Variants in BPIFB4 observed in about 807,000 individuals in gnomAD.
BPIFB4 encodes BPI fold-containing family B member 4.
BPIFB4 carries 62 observed loss-of-function variants against 69.2 expected under a neutral mutation model. That is an observed-to-expected ratio of 0.90 (90% CI 0.73 to 1.11). The LOEUF (loss-of-function observed/expected upper bound fraction) is 1.11, where lower values mean the gene tolerates loss of function less well. BPIFB4 is among the 50% of genes least tolerant of loss of function. The pLI, the probability that BPIFB4 is intolerant of heterozygous loss-of-function variation, is 0.00. For missense variants in BPIFB4, 789 were observed against 792.0 expected, an observed-to-expected ratio of 1.00 and a Z score of 0.04; for synonymous variants, 330 against 332.7, an observed-to-expected ratio of 0.99 and a Z score of 0.09.
At chr20:33,089,460 C>T (rs1441339558) in intron 8 of BPIFB4, 38 bp from the exon 9 acceptor site, 23 of 1,614,000 alleles carry the variant, frequency 1.4e-5, no homozygotes, top group Non-Finnish European at 1.9e-5. Context: ...CTACTCCCTG[C>T]AGCGTCAACA....
chr20:33,081,674 G>A (rs1334807107), intron 3 of BPIFB4, 42 bp downstream of exon 3: 4 of 1,548,328 alleles, frequency 2.6e-6, no homozygotes, highest in Non-Finnish European at 3.5e-6. Flanking sequence ...CATGGGGTGA[G>A]CAGGGCAGCT....
At chr20:33,101,149 A>G (rs1981897984) in intron 14 of BPIFB4, among the ~76,000 whole-genome samples, 1 of 152,170 alleles carries the variant, frequency 6.6e-6, no homozygotes, top group South Asian at 2.1e-4. Context: ...TGTACGTATT[A>G]TCTTGTTTCT....
In BPIFB4 at chr20:33,111,513, C is replaced by A; in HGVS notation, c.*76C>A. The A allele has an allele frequency of 6.4e-7, 1 of 1,573,836 alleles. No homozygotes were observed. Among genetic ancestry groups the A allele is most frequent in the South Asian group, 1.1e-5 (1 of 88,888 alleles). On this transcript the variant is annotated 3_prime_UTR_variant, in exon 18 of 18. Coordinates refer to ENST00000375483, the MANE Select transcript of BPIFB4 (RefSeq NM_182519.3). ...CAGAGAGGCTCGGCCTGGAAACAGTCCCCTGCCCAGAGTCCCCTCAGCCTC... is the reference window on the plus strand; with the variant it reads ...CAGAGAGGCTCGGCCTGGAAACAGTACCCTGCCCAGAGTCCCCTCAGCCTC...
chr20:33,085,137 A>T, intron 6 of BPIFB4, 141 bp downstream of exon 6: 2 of 1,458,632 alleles, frequency 1.4e-6, no homozygotes, highest in Non-Finnish European at 9.1e-7. Context: ...CAGCGGTGAA[A>T]ACAGCCTAGC....
At chr20:33,103,523 C>T (rs1981961696) in intron 15 of BPIFB4, among the ~76,000 whole-genome samples, 1 of 152,222 alleles carries the variant, frequency 6.6e-6, no homozygotes, top group South Asian at 2.1e-4. Context: ...GTCCAGAAAT[C>T]TGAGATGCTC....
intron 1 of BPIFB4, 24 bp from the exon 2 acceptor site, chr20:33,080,445 T>A (rs758615761): frequency 1.3e-5 from 2 of 152,242 alleles, no homozygotes; most frequent in Non-Finnish European, 2.9e-5. Flanking sequence ...CCCAATCTCA[T>A]AACATTCCTC....
chr20:33,083,734 A>G lies in BPIFB4; in HGVS notation c.537A>G (p.Ala179=), dbSNP rs1265393704. The stretch of plus-strand genomic sequence containing the variant: ...TGCTGGGCACTGGAGGCATGCTGGC[A>G]GCTGATGGCATCCTCGCAGGCCAAG... The part of the protein sequence containing the change: ...GGLLGTGGML[A]ADGILAGQGG... The change falls in exon 5 of 18, where the codon GCA becomes GCG. Residue 179 remains alanine (A), a synonymous_variant. Coordinates refer to ENST00000375483, the MANE Select transcript of BPIFB4 (RefSeq NM_182519.3). 2 of 1,614,000 alleles carry G rather than the reference A, an allele frequency of 1.2e-6. No homozygotes were observed. Among genetic ancestry groups the G allele is most frequent in the South Asian group, 2.2e-5 (2 of 91,082 alleles).
intron 17 of BPIFB4, among the ~76,000 whole-genome samples, chr20:33,108,412 T>C (rs1295516782): frequency 1.4e-5 from 2 of 147,328 alleles, no homozygotes; most frequent in Non-Finnish European, 3.0e-5. Context: ...TATGCATCCA[T>C]ATATATATGT....
At chr20:33,098,700 G>A (rs937618931) in intron 13 of BPIFB4, among the ~76,000 whole-genome samples, 7 of 145,392 alleles carry the variant, frequency 4.8e-5, no homozygotes, top group Admixed American at 2.8e-4. Flanking sequence ...AGCCGAGATC[G>A]CACCACTGCA....
chr20:33,103,155 C>A, intron 15 of BPIFB4, 141 bp downstream of exon 15: 1 of 932,610 alleles, frequency 1.1e-6, no homozygotes. Context: ...CACTATCAGC[C>A]CTCATTTTGC....
At chr20:33,083,047 T>G (rs759263980) in intron 4 of BPIFB4, 47 bp downstream of exon 4, 2 of 1,236,124 alleles carry the variant, frequency 1.6e-6, no homozygotes, top group Non-Finnish European at 1.1e-6. Context: ...GCGGTCTGCT[T>G]GGTGGAAGTG....
chr20:33,110,964 T>A (rs1299658716), intron 17 of BPIFB4, among the ~76,000 whole-genome samples: 1 of 151,892 alleles, frequency 6.6e-6, no homozygotes, highest in Non-Finnish European at 1.5e-5. Flanking sequence ...TACAGGCACG[T>A]GCCACCATGC....
rs150688549 is a variant in BPIFB4, at chr20:33,109,556, C to A, written c.1821+1736C>A. ...CTCAAACCAATGGCTCTCAGTGGGG[C>A]TGTACTACACCCTCCCTGGCCCCCA... On this transcript the variant is annotated intron_variant, in intron 17 of 17. Transcript: ENST00000375483. Among the ~76,000 whole-genome samples, 1,158 of 152,250 alleles carry A rather than the reference C, an allele frequency of 7.6e-3. 6 individuals carry two copies. Among genetic ancestry groups the A allele is most frequent in the Non-Finnish European group, 0.013 (893 of 68,018 alleles).
intron 12 of BPIFB4, among the ~76,000 whole-genome samples, chr20:33,096,733 G>A (rs571105753): frequency 1.7e-4 from 26 of 152,308 alleles, no homozygotes; most frequent in Admixed American, 4.6e-4. Context: ...CCTCAGTGGC[G>A]CTGGGACTGC....
intron 15 of BPIFB4, among the ~76,000 whole-genome samples, chr20:33,104,160 A>G (rs1410216505): frequency 6.6e-6 from 1 of 152,218 alleles, no homozygotes; most frequent in African/African-American, 2.4e-5. Context: ...GGCATGTTAC[A>G]TATAGGGGCT....
At chr20:33,089,424 C>T in intron 8 of BPIFB4, 74 bp from the exon 9 acceptor site, 2 of 1,606,858 alleles carry the variant, frequency 1.2e-6, no homozygotes, top group Non-Finnish European at 8.5e-7. Context: ...GCTATCGTTA[C>T]TCTTGCGTCC....
intron 13 of BPIFB4, among the ~76,000 whole-genome samples, chr20:33,099,550 C>T (rs1413571438): frequency 1.3e-5 from 2 of 152,156 alleles, no homozygotes; most frequent in Non-Finnish European, 2.9e-5. Context: ...GCCTCACGAA[C>T]CCTTTTACCT....
intron 11 of BPIFB4, among the ~76,000 whole-genome samples, chr20:33,092,989 C>A (rs963730294): frequency 6.6e-6 from 1 of 152,184 alleles, no homozygotes; most frequent in Non-Finnish European, 1.5e-5. Flanking sequence ...AGAATGTTTT[C>A]ATTTGGTAAA....
At chr20:33,106,714 G>A (rs1374454556) in intron 16 of BPIFB4, among the ~76,000 whole-genome samples, 1 of 152,116 alleles carries the variant, frequency 6.6e-6, no homozygotes, top group Non-Finnish European at 1.5e-5. Flanking sequence ...AATATTTTAT[G>A]GTTTCTCTAA....
Sources: gnomAD v4.1 joint callset for allele counts (sites outside exome capture counted in the v4.1 genomes callset) on GRCh38, gnomAD v4.1.1 for gene constraint, MANE v1.5 for transcripts, NCBI Gene and HGNC (gene_info 2026-07-23, HGNC 2026-07-21) for gene names.